Variants in GAREM1 observed in about 807,000 individuals in gnomAD.
GAREM1 encodes GRB2 associated regulator of MAPK1 subtype 1.
In GAREM1, 26 loss-of-function variants were observed where a neutral mutation model predicts 71.3. The observed-to-expected ratio is 0.36, with a 90% confidence interval of 0.27 to 0.51. The LOEUF is 0.51. Among genes scored for constraint, GAREM1 ranks in the 20% least tolerant of loss-of-function variants. The pLI, the probability that GAREM1 is intolerant of heterozygous loss-of-function variation, is 0.95. For synonymous variants in GAREM1, 440 were observed against 433.2 expected, an observed-to-expected ratio of 1.02 and a Z score of -0.20; for missense variants, 1,026 against 1,103.1, an observed-to-expected ratio of 0.93 and a Z score of 0.99.
intron 2 of GAREM1, among the ~76,000 whole-genome samples, chr18:32,373,515 A>C (rs534860977): frequency 6.6e-6 from 1 of 152,190 alleles, no homozygotes; most frequent in African/African-American, 2.4e-5. Flanking sequence ...CTTCCTTCAC[A>C]TTTTCCTAAG....
intron 2 of GAREM1, among the ~76,000 whole-genome samples, chr18:32,370,782 G>A (rs868787939): frequency 6.6e-6 from 1 of 150,946 alleles, no homozygotes; most frequent in Non-Finnish European, 1.5e-5. Flanking sequence ...GCCTATTGGC[G>A]ATCAGTAATA....
chr18:32,427,106 C>T (rs1411689552), intron 1 of GAREM1, among the ~76,000 whole-genome samples: 1 of 152,082 alleles, frequency 6.6e-6, no homozygotes, highest in East Asian at 1.9e-4. Context: ...TCCCAACTTC[C>T]CATGGTAGTT....
In GAREM1 at chr18:32,454,542, A is replaced by G. The variant is rs2048869839; in HGVS notation, c.121+15766T>C. Among the ~76,000 whole-genome samples, 4 of 152,348 alleles carry G rather than the reference A, an allele frequency of 2.6e-5. No individual in the cohort carries two copies. The East Asian group carries it at 7.7e-4, about 29-fold the overall frequency. ...AAAATTTTAATGCTGAATTGGCTTC[A>G]CAAGCCTCAGAGTATTTTTCAACCT... is the stretch of plus-strand genomic sequence containing the variant. On this transcript the variant is annotated intron_variant, in intron 1 of 5. Coordinates refer to ENST00000269209, the MANE Select transcript of GAREM1 (RefSeq NM_001242409.2).
At position 32,464,752 on chromosome 18, in the gene GAREM1, C is replaced by T. The variant is rs555080032; in HGVS notation, c.121+5556G>A. On this transcript the variant is annotated intron_variant, in intron 1 of 5. Transcript: ENST00000269209. ...TAAATGATATGCTATACTCTGAAGC[C>T]TCCCTCAACTGATCCGTATCTACTA... is the stretch of plus-strand genomic sequence containing the variant. 2.1e-5 allele frequency among the ~76,000 whole-genome samples: 3 copies of T among 143,002 alleles called. No individual in the cohort carries two copies. The South Asian group carries it at 6.6e-4, about 32-fold the overall frequency. The allele number at this position is 143,002 out of a possible 152,430, so 93.8% of individuals were successfully genotyped here. A position where few individuals can be genotyped will look rare whatever the true frequency, so the allele number is the denominator to read the frequency against.
At chr18:32,392,761 A>T (rs3786310) in intron 2 of GAREM1, 134 bp downstream of exon 2, 3 of 904,492 alleles carry the variant, frequency 3.3e-6, no homozygotes, top group Non-Finnish European at 4.9e-6. Flanking sequence ...TTCACTGATC[A>T]ATAACCACAC....
chr18:32,338,498 T>A (rs1372750033), intron 2 of GAREM1, among the ~76,000 whole-genome samples: 1 of 152,176 alleles, frequency 6.6e-6, no homozygotes, highest in African/African-American at 2.4e-5. Flanking sequence ...TTTCTGTGTG[T>A]TGAGTGTATG....
chr18:32,272,411 A>T (rs1028456268), intron 4 of GAREM1, among the ~76,000 whole-genome samples: 1 of 152,144 alleles, frequency 6.6e-6, no homozygotes, highest in African/African-American at 2.4e-5. Flanking sequence ...GGTGAAAGGG[A>T]ACGGTTTCAT....
rs777294828 is a variant in GAREM1, at chr18:32,287,210, G to C, written c.1387C>G (p.Pro463Ala). The C allele has an allele frequency of 6.1e-5, 99 of 1,614,120 alleles. No homozygotes were observed. Among genetic ancestry groups the C allele is most frequent in the Non-Finnish European group, 7.5e-5 (88 of 1,180,048 alleles). ...GAGCGAGTGAGAGGCTGATGGCTGG[G>C]CTTGCCTTCCTCCAGCCACAGCTCT... is the stretch of plus-strand genomic sequence containing the variant. ...YEELWLEEGK[P>A]SHQPLTRSLS... Residue 463 changes from proline to alanine, a missense_variant, in exon 4 of 6, where the codon CCC (proline) becomes GCC (alanine). This residue lies in a region of GAREM1 where 636 missense variants were observed against 631.2 expected (regional missense o/e 1.01). Transcript: ENST00000269209. This position sits in a 1 kb window ranked among gnomAD's most constrained non-coding sequence, Gnocchi z 5.9.
At chr18:32,418,473 A>G (rs973990207) in intron 1 of GAREM1, among the ~76,000 whole-genome samples, 4 of 152,200 alleles carry the variant, frequency 2.6e-5, no homozygotes, top group Non-Finnish European at 5.9e-5. Context: ...TGAAATGGGA[A>G]TAACAGACCC....
chr18:32,455,313 G>T (rs1433797592), intron 1 of GAREM1, among the ~76,000 whole-genome samples: 1 of 151,996 alleles, frequency 6.6e-6, no homozygotes, highest in African/African-American at 2.4e-5. Context: ...AAAATGTAAG[G>T]GAAATTTAAG....
intron 2 of GAREM1, among the ~76,000 whole-genome samples, chr18:32,325,323 C>T (rs925163500): frequency 1.3e-5 from 2 of 152,080 alleles, no homozygotes; most frequent in Admixed American, 6.6e-5. Context: ...TCTCCAAACT[C>T]ACAGAATGTA....
At position 32,264,923 on chromosome 18, in the gene GAREM1, ACAGGGGACCTGC is replaced by A. The variant is rs1406912555; in HGVS notation, c.*2936_*2947del. 1 of 152,234 alleles carries A rather than the reference ACAGGGGACCTGC, an allele frequency of 6.6e-6. No individual in the cohort carries two copies. The highest frequency in any genetic ancestry group is 1.5e-5 in the Non-Finnish European group (1 of 68,046). The allele number at this position is 152,234 out of a possible 1,614,324, so 9.4% of individuals were successfully genotyped here. A position where few individuals can be genotyped will look rare whatever the true frequency, so the allele number is the denominator to read the frequency against. On this transcript the variant is annotated 3_prime_UTR_variant, in exon 6 of 6. Coordinates refer to ENST00000269209, the MANE Select transcript of GAREM1 (RefSeq NM_001242409.2). ...GATAGACACTTCCTCTCTTTTGATT[ACAGGGGACCTGC>A]CAGAGGAGATAAGATGATAAGTCTT...
chr18:32,373,060 T>C (rs574128309), intron 2 of GAREM1, among the ~76,000 whole-genome samples: 17 of 152,274 alleles, frequency 1.1e-4, no homozygotes, highest in African/African-American at 4.1e-4. Flanking sequence ...TATTAATCAC[T>C]CTCCCTAGTC....
intron 3 of GAREM1, among the ~76,000 whole-genome samples, chr18:32,300,673 G>A (rs746188094): frequency 1.8e-4 from 28 of 152,112 alleles, no homozygotes; most frequent in Non-Finnish European, 2.6e-4. Context: ...TCGGGAGGCC[G>A]AGGCGGGCAA....
At chr18:32,371,788 T>C (rs1224181060) in intron 2 of GAREM1, among the ~76,000 whole-genome samples, 1 of 152,078 alleles carries the variant, frequency 6.6e-6, no homozygotes, top group Non-Finnish European at 1.5e-5. Flanking sequence ...CATGTGGTGA[T>C]GTCTTGGTAG....
At chr18:32,433,864 GT>G (rs1479521720) in intron 1 of GAREM1, among the ~76,000 whole-genome samples, 1 of 152,140 alleles carries the variant, frequency 6.6e-6, no homozygotes, top group Non-Finnish European at 1.5e-5. Context: ...ACATCAGTCA[GT>G]CCAAAATGAT....
intron 1 of GAREM1, among the ~76,000 whole-genome samples, chr18:32,397,715 A>T (rs931354476): frequency 1.3e-5 from 2 of 152,246 alleles, no homozygotes; most frequent in African/African-American, 4.8e-5. Context: ...GGAGACTTCA[A>T]CACCTCACTG....
Position 32,287,412 on chromosome 18 carries a change from G to T in GAREM1, c.1185C>A (p.Leu395=). 1 of 1,614,216 alleles carries T rather than the reference G, an allele frequency of 6.2e-7. No individual in the cohort carries two copies. Among genetic ancestry groups the T allele is most frequent in the Non-Finnish European group, 8.5e-7 (1 of 1,180,036 alleles). ...GAAGGTTCACCTCACTGTTGCCATG[G>T]AGATTGTTGCCATACACACAGACCG... is the stretch of plus-strand genomic sequence containing the variant. ...RLSVCVYGNN[L]HGNSEVNLHG... The change falls in exon 4 of 6, where the codon CTC becomes CTA. Residue 395 remains leucine, a synonymous_variant. Transcript: ENST00000269209. This position sits in a 1 kb window ranked among gnomAD's most constrained non-coding sequence, Gnocchi z 5.9.
intron 2 of GAREM1, among the ~76,000 whole-genome samples, chr18:32,318,676 G>A (rs1305004053): frequency 6.6e-6 from 1 of 152,130 alleles, no homozygotes; most frequent in Non-Finnish European, 1.5e-5. Flanking sequence ...GACCTGCGGT[G>A]GGCCCTCTTT....
Sources: gnomAD v4.1 joint callset for allele counts (sites outside exome capture counted in the v4.1 genomes callset) on GRCh38, gnomAD v4.1.1 for gene constraint, gnomAD v4.1.1 regional missense constraint, Gnocchi (gnomAD v3.1) non-coding constraint, MANE v1.5 for transcripts, NCBI Gene and HGNC (gene_info 2026-07-23, HGNC 2026-07-21) for gene names.